The following IMMP2L variants were observed in gnomAD, a reference collection of about 807,000 sequenced individuals.
The protein encoded by IMMP2L is inner mitochondrial membrane peptidase subunit 2, also known as mitochondrial inner membrane protease subunit 2.
IMMP2L carries 18 observed loss-of-function variants against 19.3 expected under a neutral mutation model. The ratio of observed to expected loss-of-function variants is 0.93; its 90% CI spans 0.64 to 1.38. The LOEUF (loss-of-function observed/expected upper bound fraction) is 1.38. IMMP2L is among the 40% of genes most tolerant of loss of function. The pLI, the probability that IMMP2L is intolerant of heterozygous loss-of-function variation, is 0.00. For missense variants in IMMP2L, 233 were observed against 218.2 expected (o/e 1.07, Z -0.43); for synonymous variants, 76 against 73.0 (o/e 1.04, Z -0.21).
intron 3 of IMMP2L, among the ~76,000 whole-genome samples, chr7:111,040,076 A>C (rs904886927): frequency 5.9e-5 from 9 of 152,206 alleles, no homozygotes; most frequent in African/African-American, 2.2e-4. Flanking sequence ...GAAGCAGGAG[A>C]ATCACTTGAA....
chr7:110,893,359 G>T (rs1475018651), intron 4 of IMMP2L, among the ~76,000 whole-genome samples: 1 of 151,912 alleles, frequency 6.6e-6, no homozygotes, highest in Non-Finnish European at 1.5e-5. Flanking sequence ...AATAAAACAA[G>T]GTATGACTGT....
intron 4 of IMMP2L, among the ~76,000 whole-genome samples, chr7:110,914,918 G>A (rs755877833): frequency 1.5e-4 from 23 of 152,120 alleles, no homozygotes; most frequent in Middle Eastern, 6.8e-3. Context: ...CTATTAGGAC[G>A]ACTTATCAAA....
intron 1 of IMMP2L, 90 bp from the exon 2 acceptor site, chr7:111,521,539 C>T (rs1040922844): frequency 2.6e-6 from 3 of 1,136,532 alleles, no homozygotes; most frequent in Non-Finnish European, 2.5e-6. Context: ...GTAAGAGTTA[C>T]CGAAGGGCAA....
At chr7:111,438,987 T>C (rs1339583011) in intron 3 of IMMP2L, among the ~76,000 whole-genome samples, 4 of 151,804 alleles carry the variant, frequency 2.6e-5, no homozygotes, top group African/African-American at 9.7e-5. Flanking sequence ...GAACTTTGCA[T>C]GCAAATGACA....
chr7:110,825,448 T>C (rs1214732318), intron 5 of IMMP2L, among the ~76,000 whole-genome samples: 2 of 152,126 alleles, frequency 1.3e-5, no homozygotes, highest in African/African-American at 2.4e-5. Flanking sequence ...ACTACGAGGC[T>C]ACAGTAACCA....
intron 4 of IMMP2L, among the ~76,000 whole-genome samples, chr7:110,914,952 G>A (rs955743546): frequency 1.3e-5 from 2 of 152,106 alleles, no homozygotes; most frequent in African/African-American, 4.8e-5. Flanking sequence ...AAGTGTTGGT[G>A]ATGGTGAGGA....
intron 3 of IMMP2L, among the ~76,000 whole-genome samples, chr7:111,269,617 T>C (rs1347206576): frequency 6.6e-6 from 1 of 151,982 alleles, no homozygotes; most frequent in African/African-American, 2.4e-5. Context: ...AATGCAAGTT[T>C]TAATTAATGG....
chr7:111,282,304 T>A (rs1323650916), intron 3 of IMMP2L, among the ~76,000 whole-genome samples: 1 of 152,102 alleles, frequency 6.6e-6, no homozygotes, highest in Non-Finnish European at 1.5e-5. Context: ...AGACAGCAAA[T>A]GAAGAAATAT....
At position 110,781,575 on chromosome 7, in the gene IMMP2L, C is replaced by T. The variant is rs550416544; in HGVS notation, c.408+105018G>A. On this transcript the variant is annotated intron_variant, in intron 5 of 5. Coordinates refer to ENST00000405709, the MANE Select transcript of IMMP2L (RefSeq NM_032549.4). ...TGAGATATAGATATTTTGTATTTTT[C>T]CAAGAAAACCATGCATAGAATATGC... is the stretch of plus-strand genomic sequence containing the variant. Among the ~76,000 whole-genome samples the T allele has an allele frequency of 3.7e-4, 56 of 151,294 alleles. No homozygotes were observed. In the South Asian group the frequency reaches 8.1e-3, roughly 22 times the overall value.
At chr7:110,814,310 C>T (rs1273979096) in intron 5 of IMMP2L, among the ~76,000 whole-genome samples, 1 of 151,662 alleles carries the variant, frequency 6.6e-6, no homozygotes, top group African/African-American at 2.4e-5. Flanking sequence ...TTGAGGTTAT[C>T]AGTTTTTCCT....
intron 2 of IMMP2L, chr7:111,492,477 G>T: frequency 1.4e-6 from 1 of 689,908 alleles, no homozygotes; most frequent in Non-Finnish European, 1.8e-6. Context: ...CTAGTCATTT[G>T]TCAAAGTCCT....
At chr7:111,137,240 G>A (rs914470048) in intron 3 of IMMP2L, among the ~76,000 whole-genome samples, 4 of 151,986 alleles carry the variant, frequency 2.6e-5, no homozygotes, top group Admixed American at 6.6e-5. Context: ...AATAAAGTAC[G>A]CTTTATTTAC....
intron 5 of IMMP2L, among the ~76,000 whole-genome samples, chr7:110,822,987 G>A (rs1366036067): frequency 1.3e-5 from 2 of 151,990 alleles, no homozygotes; most frequent in Admixed American, 6.6e-5. Context: ...AAATAAATGA[G>A]GCCGTGTGTT....
At chr7:110,930,638 ACT>A (rs1815368448) in intron 4 of IMMP2L, among the ~76,000 whole-genome samples, 2 of 152,230 alleles carry the variant, frequency 1.3e-5, no homozygotes, top group Admixed American at 1.3e-4. Flanking sequence ...AACCCAAACT[ACT>A]TAATTATCAC....
intron 3 of IMMP2L, among the ~76,000 whole-genome samples, chr7:111,338,270 A>G (rs1274853798): frequency 6.6e-6 from 1 of 152,112 alleles, no homozygotes; most frequent in South Asian, 2.1e-4. Flanking sequence ...AAAGAATAGA[A>G]GCAAACTGTG....
intron 4 of IMMP2L, among the ~76,000 whole-genome samples, chr7:110,899,826 T>C (rs1811684319): frequency 3.3e-5 from 5 of 152,232 alleles, no homozygotes; most frequent in Admixed American, 2.6e-4. Context: ...CATAAAATGT[T>C]CTAGGCTATT....
chr7:110,747,350 A>G (rs1411639817), intron 5 of IMMP2L, among the ~76,000 whole-genome samples: 1 of 152,176 alleles, frequency 6.6e-6, no homozygotes, highest in East Asian at 1.9e-4. Flanking sequence ...ATTCCTCCCG[A>G]AACTATTCCA....
At chr7:110,806,807 T>C (rs939049156) in intron 5 of IMMP2L, among the ~76,000 whole-genome samples, 1 of 151,978 alleles carries the variant, frequency 6.6e-6, no homozygotes, top group African/African-American at 2.4e-5. Context: ...AAAGGTGATA[T>C]GAAAGATGAG....
chr7:111,221,861 T>A lies in IMMP2L; in HGVS notation c.240-258296A>T, dbSNP rs78980356. 3.3e-4 allele frequency among the ~76,000 whole-genome samples: 50 copies of A among 152,060 alleles called. 1 individual carries two copies. In the East Asian group the frequency reaches 9.1e-3, roughly 28 times the overall value. On this transcript the variant is annotated intron_variant, in intron 3 of 5. Coordinates refer to ENST00000405709, the MANE Select transcript of IMMP2L (RefSeq NM_032549.4). ...CTGCCAGATACTGAAACTATCATTA[T>A]TAGAATAGCATAGCATTAGGCCAAA...
Sources: allele counts gnomAD v4.1 joint callset (sites outside exome capture counted in the v4.1 genomes callset), GRCh38; gene constraint gnomAD v4.1.1; transcripts MANE v1.5; gene names NCBI Gene and HGNC (gene_info 2026-07-23, HGNC 2026-07-21).